MAPKAPK2: variants seen among roughly 807,000 people sequenced by gnomAD.
MAPKAPK2 encodes the protein MAPK activated protein kinase 2, also known as MAP kinase-activated protein kinase 2.
Under a neutral mutation model 48.8 loss-of-function variants are expected in MAPKAPK2, and 9 were observed. That is an observed-to-expected ratio of 0.18 (90% CI 0.11 to 0.32). The LOEUF (loss-of-function observed/expected upper bound fraction) is 0.32. Ranked by LOEUF, MAPKAPK2 falls within the 10% of genes least tolerant of loss-of-function variation. The pLI is 1.00. For missense variants in MAPKAPK2, 331 were observed against 498.3 expected, an observed-to-expected ratio of 0.66 and a Z score of 3.20; for synonymous variants, 202 against 190.6, an observed-to-expected ratio of 1.06 and a Z score of -0.49.
At chr1:206,695,802 T>C in intron 1 of MAPKAPK2, 1 of 291,840 alleles carries the variant, frequency 3.4e-6, no homozygotes, top group East Asian at 7.8e-5. Context: ...GGTAATTTAT[T>C]AACGGAAAAT....
At position 206,732,212 on chromosome 1, in the gene MAPKAPK2, A is replaced by G. The variant is rs575495722; in HGVS notation, c.1059+293A>G. The G allele has an allele frequency of 6.4e-7, 1 of 1,560,894 alleles. No individual in the cohort carries two copies. Among genetic ancestry groups the G allele is most frequent in the South Asian group, 1.2e-5 (1 of 86,016 alleles). ...TCATCTTCTCATTTTGCAGAAGAGAAACTGAGGCCCAGAGGCGGAGGGCAG... is the reference window on the plus strand; with the variant it reads ...TCATCTTCTCATTTTGCAGAAGAGAGACTGAGGCCCAGAGGCGGAGGGCAG... On this transcript the variant is annotated intron_variant, in intron 9 of 9. Transcript: ENST00000367103. The surrounding 1 kb of genome is among the most constrained non-coding windows in gnomAD (Gnocchi z 4.4).
intron 1 of MAPKAPK2, among the ~76,000 whole-genome samples, chr1:206,727,660 G>T (rs1673743996): frequency 6.6e-6 from 1 of 151,698 alleles, no homozygotes; most frequent in South Asian, 2.1e-4. Context: ...TCGCTCTGTT[G>T]CCCAGGCTGG....
intron 1 of MAPKAPK2, among the ~76,000 whole-genome samples, chr1:206,686,147 C>G (rs1178574236): frequency 6.6e-6 from 1 of 152,050 alleles, no homozygotes; most frequent in African/African-American, 2.4e-5. Context: ...CTGGCCCCCT[C>G]AGCTGGCCCC....
chr1:206,732,453 T>C lies in MAPKAPK2; in HGVS notation c.1060-122T>C. ...TAACCAGCCCGTCTTCTCTCTCTGCTCCCACCCCTGCCGCCCTCACCCTGC... is the reference window on the plus strand; with the variant it reads ...TAACCAGCCCGTCTTCTCTCTCTGCCCCCACCCCTGCCGCCCTCACCCTGC... On this transcript the variant is annotated intron_variant, in intron 9 of 9. Coordinates refer to ENST00000367103, the MANE Select transcript of MAPKAPK2 (RefSeq NM_032960.4). The surrounding 1 kb of genome is among the most constrained non-coding windows in gnomAD (Gnocchi z 4.4). The C allele has an allele frequency of 6.6e-7, 1 of 1,508,694 alleles. No individual in the cohort carries two copies. Among genetic ancestry groups the C allele is most frequent in the Non-Finnish European group, 8.9e-7 (1 of 1,126,860 alleles). The allele number at this position is 1,508,694 out of a possible 1,614,324, so 93.5% of individuals were successfully genotyped here.
chr1:206,690,545 A>G (rs1485992399), intron 1 of MAPKAPK2, among the ~76,000 whole-genome samples: 3 of 152,204 alleles, frequency 2.0e-5, no homozygotes, highest in Non-Finnish European at 4.4e-5. Context: ...TGTTTCTGCT[A>G]CTTGGGACCT....
intron 1 of MAPKAPK2, among the ~76,000 whole-genome samples, chr1:206,706,161 C>G (rs948101671): frequency 7.4e-6 from 1 of 135,774 alleles, no homozygotes; most frequent in Non-Finnish European, 1.6e-5. Context: ...TATTTATTTG[C>G]TTAATCTTAA....
intron 1 of MAPKAPK2, among the ~76,000 whole-genome samples, chr1:206,713,015 T>G (rs978893450): frequency 4.4e-5 from 4 of 89,958 alleles, no homozygotes. Context: ...CTAATAGGTT[T>G]GCCACTGAAG....
intron 1 of MAPKAPK2, among the ~76,000 whole-genome samples, chr1:206,726,909 G>A (rs1673717822): frequency 6.6e-6 from 1 of 152,108 alleles, no homozygotes; most frequent in African/African-American, 2.4e-5. Flanking sequence ...GATCTTATTT[G>A]CAAGCTTCAG....
At chr1:206,706,434 C>T (rs1331926938) in intron 1 of MAPKAPK2, among the ~76,000 whole-genome samples, 4 of 152,090 alleles carry the variant, frequency 2.6e-5, no homozygotes, top group South Asian at 2.1e-4. Context: ...CTGGGTGGGC[C>T]GGGCTTTGGT....
chr1:206,728,673 G>T, intron 1 of MAPKAPK2, 37 bp from the exon 2 acceptor site: 1 of 1,602,512 alleles, frequency 6.2e-7, no homozygotes, highest in South Asian at 1.1e-5. Flanking sequence ...AGGCCCATGT[G>T]ACAGCGCAGT....
chr1:206,727,874 C>T (rs1417233867), intron 1 of MAPKAPK2, among the ~76,000 whole-genome samples: 2 of 152,240 alleles, frequency 1.3e-5, no homozygotes, highest in Middle Eastern at 3.4e-3. Context: ...CTGCCTGCCT[C>T]GGCCTCCCAA....
chr1:206,712,596 G>A (rs1280781168), intron 1 of MAPKAPK2, among the ~76,000 whole-genome samples: 1 of 152,096 alleles, frequency 6.6e-6, no homozygotes, highest in African/African-American at 2.4e-5. Flanking sequence ...TTTTCTTAGG[G>A]GGTGTCACTT....
Position 206,732,029 on chromosome 1 carries a change from T to C in MAPKAPK2, c.1059+110T>C. ...AGGGGAGAGCTTGATTCTGCCTCTC[T>C]CATCCCAGGGGTGTCTTCATGACAA... On this transcript the variant is annotated intron_variant, in intron 9 of 9. Coordinates refer to ENST00000367103, the MANE Select transcript of MAPKAPK2 (RefSeq NM_032960.4). The surrounding 1 kb of genome is among the most constrained non-coding windows in gnomAD (Gnocchi z 4.4). 2 of 1,614,150 alleles carry C rather than the reference T, an allele frequency of 1.2e-6. No individual in the cohort carries two copies. The highest frequency in any genetic ancestry group is 1.7e-6 in the Non-Finnish European group (2 of 1,180,022).
intron 1 of MAPKAPK2, among the ~76,000 whole-genome samples, chr1:206,686,340 C>T (rs1437715127): frequency 6.6e-6 from 1 of 152,214 alleles, no homozygotes; most frequent in African/African-American, 2.4e-5. Flanking sequence ...TATCCTTGAG[C>T]CGGGGGAGCC....
At chr1:206,709,414 C>T (rs1572495524) in intron 1 of MAPKAPK2, among the ~76,000 whole-genome samples, 1 of 152,272 alleles carries the variant, frequency 6.6e-6, no homozygotes, top group Admixed American at 6.5e-5. Flanking sequence ...CATGTGGATT[C>T]TAGGTATGGG....
chr1:206,733,441 T>C lies in MAPKAPK2; in HGVS notation c.*723T>C, dbSNP rs1421727195. 6.6e-6 allele frequency: 1 copy of C among 152,280 alleles called. No individual in the cohort carries two copies. The highest frequency in any genetic ancestry group is 1.5e-5 in the Non-Finnish European group (1 of 68,102). 9.4% of individuals were successfully genotyped at this position (152,280 alleles called of 1,614,324 possible). A position where few individuals can be genotyped will look rare whatever the true frequency, so the allele number is the denominator to read the frequency against. On this transcript the variant is annotated 3_prime_UTR_variant, in exon 10 of 10. Coordinates refer to ENST00000367103, the MANE Select transcript of MAPKAPK2 (RefSeq NM_032960.4). ...TCCCTTCTTGGGTCTGCCCTGCCCA[T>C]ACTGAGCCTGCCAAAGTGCCTGGGA...
Position 206,731,626 on chromosome 1 carries a change from G to C in MAPKAPK2, c.893-14G>C. Reference sequence around the variant, plus strand: ...GACCCCTGAGCTGTCACTGCCCCCTGTCCCACCCCACAGTGAAGATGCTCA... The same window carrying C: ...GACCCCTGAGCTGTCACTGCCCCCTCTCCCACCCCACAGTGAAGATGCTCA... On this transcript the variant is annotated splice_polypyrimidine_tract_variant and intron_variant, in intron 7 of 9. Coordinates refer to ENST00000367103, the MANE Select transcript of MAPKAPK2 (RefSeq NM_032960.4). The surrounding 1 kb of genome is among the most constrained non-coding windows in gnomAD (Gnocchi z 5.9). The C allele has an allele frequency of 6.2e-7, 1 of 1,609,114 alleles. No individual in the cohort carries two copies. Among genetic ancestry groups the C allele is most frequent in the Non-Finnish European group, 8.5e-7 (1 of 1,175,438 alleles).
rs1246600444 is a variant in MAPKAPK2, at chr1:206,729,899, AG to A, written c.565-71del. 3.8e-6 allele frequency: 6 copies of A among 1,587,462 alleles called. No individual in the cohort carries two copies. In the African/African-American group the frequency reaches 6.7e-5, roughly 18 times the overall value. On this transcript the variant is annotated intron_variant, in intron 4 of 9. Coordinates refer to ENST00000367103, the MANE Select transcript of MAPKAPK2 (RefSeq NM_032960.4). Reference sequence around the variant, plus strand: ...GGATGAGTAGAGGAAGGGAGGAACCAGGATCCTTTTCGTTTCTGATAGCCCC... The same window carrying A: ...GGATGAGTAGAGGAAGGGAGGAACCAGATCCTTTTCGTTTCTGATAGCCCC...
At chr1:206,686,720 G>A (rs1553425661) in intron 1 of MAPKAPK2, among the ~76,000 whole-genome samples, 8 of 152,328 alleles carry the variant, frequency 5.3e-5, no homozygotes, top group Admixed American at 2.0e-4. Flanking sequence ...TGGAATATAC[G>A]ATCAGATGTT....
Sources: gnomAD v4.1 joint callset for allele counts (sites outside exome capture counted in the v4.1 genomes callset) on GRCh38, gnomAD v4.1.1 for gene constraint, Gnocchi (gnomAD v3.1) non-coding constraint, MANE v1.5 for transcripts, NCBI Gene and HGNC (gene_info 2026-07-23, HGNC 2026-07-21) for gene names.